GABBR2: variants seen among roughly 807,000 people sequenced by gnomAD.
GABBR2 encodes the protein G-protein coupled receptor 51.
GABBR2 carries 23 observed loss-of-function variants against 105.6 expected under a neutral mutation model. The observed-to-expected ratio is 0.22, with a 90% CI of 0.16 to 0.31. The LOEUF is 0.31. GABBR2 is among the 10% of genes least tolerant of loss of function. The pLI is 1.00. For missense variants in GABBR2, 734 were observed against 1,245.5 expected (o/e 0.59, Z 6.18); for synonymous variants, 478 against 499.7 (o/e 0.96, Z 0.58).
chr9:98,705,705 C>A (rs371684013), intron 1 of GABBR2, among the ~76,000 whole-genome samples: 1 of 152,240 alleles, frequency 6.6e-6, no homozygotes, highest in Non-Finnish European at 1.5e-5. Flanking sequence ...CTAGACTGAT[C>A]CTTCCTTCAC....
At chr9:98,467,522 T>C (rs934380561) in intron 6 of GABBR2, among the ~76,000 whole-genome samples, 1 of 152,198 alleles carries the variant, frequency 6.6e-6, no homozygotes, top group Non-Finnish European at 1.5e-5. Context: ...GTTCTATTTT[T>C]CCGCAGCACC....
intron 7 of GABBR2, among the ~76,000 whole-genome samples, chr9:98,429,356 G>C (rs1825759214): frequency 6.6e-6 from 1 of 152,060 alleles, no homozygotes; most frequent in African/African-American, 2.4e-5. Context: ...GGCCAGGCTG[G>C]TCTTGGACTC....
At chr9:98,705,182 A>G (rs1316079850) in intron 1 of GABBR2, among the ~76,000 whole-genome samples, 1 of 152,272 alleles carries the variant, frequency 6.6e-6, no homozygotes, top group South Asian at 2.1e-4. Context: ...TCAAATCCTC[A>G]TTGGAATATA....
intron 4 of GABBR2, among the ~76,000 whole-genome samples, chr9:98,492,687 A>G (rs1827202666): frequency 6.6e-6 from 1 of 151,584 alleles, no homozygotes; most frequent in African/African-American, 2.4e-5. Context: ...AGTTTGGGGG[A>G]GTATTGGTCA....
chr9:98,487,360 C>CT (rs939816653), intron 4 of GABBR2, among the ~76,000 whole-genome samples: 9 of 151,826 alleles, frequency 5.9e-5, no homozygotes, highest in African/African-American at 9.7e-5. Flanking sequence ...TCCCTAAGGA[C>CT]TTTTTTTTGG....
intron 5 of GABBR2, among the ~76,000 whole-genome samples, chr9:98,480,416 G>A (rs1458416851): frequency 2.0e-5 from 3 of 152,162 alleles, no homozygotes; most frequent in South Asian, 4.1e-4. Flanking sequence ...ACTCTATGGA[G>A]CTCTATTTCC....
chr9:98,423,295 C>T (rs10986187), intron 7 of GABBR2, among the ~76,000 whole-genome samples: 19,761 of 152,102 alleles, frequency 0.13, 1,751 homozygotes, highest in East Asian at 0.37. Context: ...TTTTAATGAT[C>T]GCCATTCTAA....
intron 5 of GABBR2, among the ~76,000 whole-genome samples, chr9:98,476,147 C>T (rs1379393976): frequency 6.6e-6 from 1 of 152,176 alleles, no homozygotes. Context: ...ATTTTCTTCA[C>T]ACATGTGATA....
intron 13 of GABBR2, among the ~76,000 whole-genome samples, chr9:98,337,858 C>A (rs1831142357): frequency 6.6e-6 from 1 of 151,942 alleles, no homozygotes; most frequent in Admixed American, 6.6e-5. Flanking sequence ...TTAGTCTCTA[C>A]TAAAAAAACA....
At chr9:98,351,483 T>A (rs940384834) in intron 13 of GABBR2, among the ~76,000 whole-genome samples, 5 of 152,256 alleles carry the variant, frequency 3.3e-5, no homozygotes, top group African/African-American at 1.2e-4. Flanking sequence ...TAGGAATCCC[T>A]TAACCATTTC....
intron 1 of GABBR2, among the ~76,000 whole-genome samples, chr9:98,624,698 C>T (rs979883763): frequency 3.3e-5 from 5 of 151,964 alleles, no homozygotes; most frequent in African/African-American, 7.3e-5. Context: ...TCTGTGGACC[C>T]GCCTAAGGAA....
At chr9:98,595,663 A>C (rs186986100) in intron 1 of GABBR2, among the ~76,000 whole-genome samples, 1,897 of 106,304 alleles carry the variant, frequency 0.018, 22 homozygotes, top group South Asian at 0.03. Flanking sequence ...ACTTTACAAA[A>C]AAACAAAAAC....
At chr9:98,634,802 G>C (rs917757340) in intron 1 of GABBR2, among the ~76,000 whole-genome samples, 1 of 152,154 alleles carries the variant, frequency 6.6e-6, no homozygotes, top group African/African-American at 2.4e-5. Context: ...ACAACCTAAC[G>C]AGTGATCCTT....
intron 9 of GABBR2, among the ~76,000 whole-genome samples, chr9:98,393,338 C>CCCAA (rs1252845553): frequency 3.6e-5 from 4 of 109,898 alleles, no homozygotes; most frequent in Non-Finnish European, 7.2e-5. Flanking sequence ...CAGGCATCCA[C>CCCAA]CCAACCATCC....
chr9:98,640,330 T>C (rs1829942785), intron 1 of GABBR2, among the ~76,000 whole-genome samples: 1 of 152,080 alleles, frequency 6.6e-6, no homozygotes, highest in Non-Finnish European at 1.5e-5. Context: ...TAAACTCCAT[T>C]AGTCATGGAC....
intron 15 of GABBR2, among the ~76,000 whole-genome samples, chr9:98,305,714 T>A (rs1336369150): frequency 6.6e-6 from 1 of 151,782 alleles, no homozygotes; most frequent in Non-Finnish European, 1.5e-5. Flanking sequence ...ACTTGGTAGG[T>A]TGAGGCAGGA....
chr9:98,466,697 G>T (rs1249083891), intron 6 of GABBR2, among the ~76,000 whole-genome samples: 1 of 152,242 alleles, frequency 6.6e-6, no homozygotes, highest in African/African-American at 2.4e-5. Context: ...TTACAGATGA[G>T]AGACAAACTG....
intron 6 of GABBR2, among the ~76,000 whole-genome samples, chr9:98,469,062 C>T (rs887647544): frequency 6.6e-6 from 1 of 152,328 alleles, no homozygotes; most frequent in East Asian, 1.9e-4. Flanking sequence ...TTTATTCTCT[C>T]ACAGTTCTGG....
chr9:98,596,312 G>C (rs1829233005), intron 1 of GABBR2, among the ~76,000 whole-genome samples: 1 of 152,204 alleles, frequency 6.6e-6, no homozygotes, highest in Admixed American at 6.5e-5. Flanking sequence ...GATGTTAGCT[G>C]TTCCATGTAC....
Sources: gnomAD v4.1 joint callset for allele counts (sites outside exome capture counted in the v4.1 genomes callset) on GRCh38, gnomAD v4.1.1 for gene constraint, MANE v1.5 for transcripts, NCBI Gene and HGNC (gene_info 2026-07-23, HGNC 2026-07-21) for gene names.